DLC1: variants seen among roughly 807,000 people sequenced by gnomAD.
DLC1 encodes rho GTPase-activating protein 7.
A neutral mutation model predicts 140.3 loss-of-function variants in DLC1; 54 were observed. That is an observed-to-expected ratio of 0.38 (90% confidence interval 0.31 to 0.48). The LOEUF is 0.48. Ranked by LOEUF, DLC1 falls within the 20% of genes least tolerant of loss-of-function variation. DLC1 has a pLI of 0.96. For synonymous variants in DLC1, 986 were observed against 728.1 expected, an observed-to-expected ratio of 1.35 and a Z score of -5.70; for missense variants, 2,536 against 1,907.0, an observed-to-expected ratio of 1.33 and a Z score of -6.14.
At chr8:13,349,332 A>C (rs1468479633) in intron 4 of DLC1, among the ~76,000 whole-genome samples, 1 of 152,188 alleles carries the variant, frequency 6.6e-6, no homozygotes, top group Non-Finnish European at 1.5e-5. Flanking sequence ...GTTAGAAATC[A>C]CAGAATAAGC....
rs551004522 is a variant in DLC1, at chr8:13,601,307, C to A, written c.-126+3230G>T. Among the ~76,000 whole-genome samples the A allele has an allele frequency of 2.6e-5, 4 of 151,846 alleles. No homozygotes were observed. The East Asian group carries it at 7.7e-4, about 29-fold the overall frequency. ...GCTCAAATTCCAGTCTTCCAGTAAA[C>A]AGATGCTATCTTATACTTCAGTGTA... On this transcript the variant is annotated intron_variant, in intron 1 of 1. Coordinates refer to the DLC1 transcript ENST00000631382.
chr8:13,574,350 T>C (rs933968469), intron 1 of DLC1, among the ~76,000 whole-genome samples: 7 of 152,190 alleles, frequency 4.6e-5, no homozygotes, highest in Admixed American at 1.3e-4. Flanking sequence ...GATGACTATC[T>C]GAAATTTTGA....
At chr8:13,559,382 T>C (rs796634735) in intron 1 of DLC1, 10 of 152,318 alleles carry the variant, frequency 6.6e-5, no homozygotes, top group African/African-American at 2.4e-4. Context: ...TTTTGGAAAA[T>C]GCCTATCTAA....
chr8:13,166,434 G>A (rs988611216), intron 5 of DLC1, among the ~76,000 whole-genome samples: 4 of 152,020 alleles, frequency 2.6e-5, no homozygotes, highest in African/African-American at 7.3e-5. Context: ...TCTGCCTCCC[G>A]GGTTCAAGCT....
chr8:13,216,203 C>T (rs1168996498), intron 5 of DLC1, among the ~76,000 whole-genome samples: 1 of 152,130 alleles, frequency 6.6e-6, no homozygotes, highest in African/African-American at 2.4e-5. Flanking sequence ...AACAATAATA[C>T]TTTGTATTTT....
chr8:13,344,350 G>T (rs1243864178), intron 4 of DLC1, among the ~76,000 whole-genome samples: 2 of 152,032 alleles, frequency 1.3e-5, no homozygotes, highest in African/African-American at 4.8e-5. Context: ...AAAATTAGCC[G>T]GGCATGGTGG....
At chr8:13,335,447 G>A (rs1354350492) in intron 4 of DLC1, among the ~76,000 whole-genome samples, 3 of 152,290 alleles carry the variant, frequency 2.0e-5, no homozygotes, top group South Asian at 2.1e-4. Flanking sequence ...ATCAATGTGA[G>A]CACACAAAAA....
chr8:13,452,302 T>C (rs190150698), intron 2 of DLC1, among the ~76,000 whole-genome samples: 2 of 152,242 alleles, frequency 1.3e-5, no homozygotes, highest in African/African-American at 4.8e-5. Context: ...TACTTGCCTA[T>C]AGCTCCACTG....
At chr8:13,494,889 T>C (rs1266693545) in intron 2 of DLC1, among the ~76,000 whole-genome samples, 1 of 152,042 alleles carries the variant, frequency 6.6e-6, no homozygotes, top group Non-Finnish European at 1.5e-5. Context: ...AGGCGGAAGT[T>C]GCAATGGGCG....
At chr8:13,597,462 A>G (rs796537033) in intron 1 of DLC1, among the ~76,000 whole-genome samples, 4 of 152,214 alleles carry the variant, frequency 2.6e-5, no homozygotes, top group African/African-American at 9.6e-5. Flanking sequence ...AGCCTGAAAT[A>G]CCATCTCGTT....
At chr8:13,173,579 C>G (rs111494948) in intron 5 of DLC1, among the ~76,000 whole-genome samples, 1 of 152,142 alleles carries the variant, frequency 6.6e-6, no homozygotes, top group Non-Finnish European at 1.5e-5. Context: ...ACTTTGGTGG[C>G]CAGAATGGCC....
chr8:13,567,587 G>C, intron 1 of DLC1: 1 of 1,551,732 alleles, frequency 6.4e-7, no homozygotes, highest in Non-Finnish European at 8.7e-7. Context: ...TCTTATCAGT[G>C]TCCCTATTGT....
intron 5 of DLC1, among the ~76,000 whole-genome samples, chr8:13,143,240 A>G (rs1286735308): frequency 6.6e-6 from 1 of 152,106 alleles, no homozygotes; most frequent in Non-Finnish European, 1.5e-5. Flanking sequence ...ACCATCAATT[A>G]AATCTCAGCA....
intron 5 of DLC1, among the ~76,000 whole-genome samples, chr8:13,254,748 C>T (rs971399867): frequency 6.7e-6 from 1 of 150,194 alleles, no homozygotes; most frequent in Non-Finnish European, 1.5e-5. Flanking sequence ...TTCTGACTTA[C>T]TCAATAGATA....
At chr8:13,182,172 T>G (rs945180779) in intron 5 of DLC1, among the ~76,000 whole-genome samples, 10 of 152,182 alleles carry the variant, frequency 6.6e-5, no homozygotes, top group African/African-American at 2.4e-4. Flanking sequence ...TTGCCCACTT[T>G]TTGATAGGGT....
chr8:13,514,546 C>G (rs1196698753), intron 1 of DLC1, 56 bp downstream of exon 1: 3 of 398,348 alleles, frequency 7.5e-6, no homozygotes, highest in Non-Finnish European at 1.3e-5. Context: ...TTATCTCAAT[C>G]TTTCTGCCTC....
chr8:13,239,475 C>G (rs1829449985), intron 5 of DLC1, among the ~76,000 whole-genome samples: 1 of 152,078 alleles, frequency 6.6e-6, no homozygotes, highest in Non-Finnish European at 1.5e-5. Flanking sequence ...TTAGACTGAT[C>G]ACAGGCACAT....
chr8:13,412,401 C>A (rs1433100002), intron 2 of DLC1, among the ~76,000 whole-genome samples: 1 of 152,040 alleles, frequency 6.6e-6, no homozygotes, highest in Non-Finnish European at 1.5e-5. Context: ...ATTTTAGATA[C>A]CTATCTTAGA....
chr8:13,313,330 A>G (rs913899639), intron 4 of DLC1, among the ~76,000 whole-genome samples: 1 of 152,220 alleles, frequency 6.6e-6, no homozygotes, highest in East Asian at 1.9e-4. Context: ...AATTGAAGGC[A>G]TGCTGTGAAA....
Sources: gnomAD v4.1 joint callset for allele counts (sites outside exome capture counted in the v4.1 genomes callset) on GRCh38, gnomAD v4.1.1 for gene constraint, MANE v1.5 for transcripts, NCBI Gene and HGNC (gene_info 2026-07-23, HGNC 2026-07-21) for gene names.